Variants in PLB1 observed in about 807,000 individuals in gnomAD.
The protein encoded by PLB1 is phospholipase B1, membrane-associated.
A neutral mutation model predicts 227.4 loss-of-function variants in PLB1; 242 were observed. The ratio of observed to expected loss-of-function variants is 1.06; its 90% CI spans 0.96 to 1.18. The LOEUF (loss-of-function observed/expected upper bound fraction) is 1.18, where lower values mean the gene tolerates loss of function less well. Among genes scored for constraint, PLB1 ranks in the 50% most tolerant of loss-of-function variants. The probability of loss-of-function intolerance (pLI) is 0.00; values close to 1 mark genes in which losing one functional copy is unlikely to be tolerated. For missense variants in PLB1, 1,858 were observed against 1,816.3 expected, an observed-to-expected ratio of 1.02 and a Z score of -0.42; for synonymous variants, 757 against 682.2, an observed-to-expected ratio of 1.11 and a Z score of -1.71.
Position 28,496,080 on chromosome 2 carries a change from C to G in PLB1, c.-35C>G. 6.2e-7 allele frequency: 1 copy of G among 1,607,942 alleles called. No homozygotes were observed. The highest frequency in any genetic ancestry group is 8.5e-7 in the Non-Finnish European group (1 of 1,174,620). The stretch of plus-strand genomic sequence containing the variant: ...AGCCCATCCATCTGCTGGAGCAGCT[C>G]TTCCAGAGGCCCGAGTCACCTGGAG... On this transcript the variant is annotated 5_prime_UTR_variant, in exon 1 of 58. Transcript: ENST00000327757.
At chr2:28,510,751 T>C (rs368988669) in intron 1 of PLB1, among the ~76,000 whole-genome samples, 88 of 143,074 alleles carry the variant, frequency 6.2e-4, no homozygotes, top group African/African-American at 2.3e-3. Context: ...GCTGGGACTA[T>C]AGGCATGCAC....
intron 33 of PLB1, among the ~76,000 whole-genome samples, chr2:28,597,236 C>G (rs534287200): frequency 6.8e-6 from 1 of 146,070 alleles, no homozygotes; most frequent in Non-Finnish European, 1.5e-5. Context: ...TGCACTCCAG[C>G]CTGGGCGACA....
At chr2:28,601,152 G>A (rs1347203312) in intron 36 of PLB1, 100 bp from the exon 37 acceptor site, 3 of 1,001,644 alleles carry the variant, frequency 3.0e-6, no homozygotes, top group African/African-American at 3.2e-5. Context: ...ATTATTTCAA[G>A]TGGGCAAGGA....
intron 43 of PLB1, among the ~76,000 whole-genome samples, chr2:28,609,571 T>C (rs1040323001): frequency 1.3e-5 from 2 of 152,154 alleles, no homozygotes; most frequent in African/African-American, 4.8e-5. Flanking sequence ...GAATTACATA[T>C]AAGTGACATT....
At chr2:28,504,728 C>T (rs190051682) in intron 1 of PLB1, among the ~76,000 whole-genome samples, 111 of 152,038 alleles carry the variant, frequency 7.3e-4, no homozygotes, top group Non-Finnish European at 1.3e-3. Flanking sequence ...GGCAACAGAG[C>T]GAGACTCAGT....
intron 8 of PLB1, 76 bp from the exon 9 acceptor site, chr2:28,532,032 A>C: frequency 8.8e-7 from 1 of 1,139,788 alleles, no homozygotes; most frequent in Non-Finnish European, 1.3e-6. Flanking sequence ...AAATGGAAAG[A>C]CATGAAAACA....
chr2:28,563,130 G>A (rs1342561615), intron 18 of PLB1, 31 bp downstream of exon 18: 1 of 1,592,848 alleles, frequency 6.3e-7, no homozygotes, highest in South Asian at 1.1e-5. Flanking sequence ...AGGGGCAGGA[G>A]GGGAAAAGAT....
chr2:28,568,699 A>G (rs922343942), intron 20 of PLB1, among the ~76,000 whole-genome samples: 2 of 152,214 alleles, frequency 1.3e-5, no homozygotes, highest in African/African-American at 2.4e-5. Context: ...ACACATGACT[A>G]ATATTTATAG....
At chr2:28,611,532 T>C (rs1283661044) in intron 43 of PLB1, among the ~76,000 whole-genome samples, 4 of 152,212 alleles carry the variant, frequency 2.6e-5, no homozygotes, top group Admixed American at 2.0e-4. Flanking sequence ...CATTCTCTGA[T>C]GCTTCACTGC....
chr2:28,637,666 G>A (rs1006940366), intron 56 of PLB1, among the ~76,000 whole-genome samples: 3 of 152,122 alleles, frequency 2.0e-5, no homozygotes, highest in African/African-American at 7.2e-5. Context: ...CGTCTGCCTC[G>A]CATGTTACAG....
intron 21 of PLB1, among the ~76,000 whole-genome samples, chr2:28,573,921 G>C (rs1226900672): frequency 6.6e-6 from 1 of 152,224 alleles, no homozygotes; most frequent in Non-Finnish European, 1.5e-5. Context: ...GGTGGTCCTG[G>C]CAGTAATGCA....
chr2:28,549,898 C>T (rs1007229545), intron 15 of PLB1, 112 bp from the exon 16 acceptor site: 15 of 789,592 alleles, frequency 1.9e-5, no homozygotes, highest in African/African-American at 1.2e-4. Flanking sequence ...TCACTGGAAG[C>T]GTGATGTGAA....
At chr2:28,572,018 ATATC>A (rs1678098713) in intron 20 of PLB1, among the ~76,000 whole-genome samples, 1 of 152,242 alleles carries the variant, frequency 6.6e-6, no homozygotes, top group Non-Finnish European at 1.5e-5. Context: ...TGCCAATCCT[ATATC>A]TAATAAGAAA....
At chr2:28,565,777 T>C (rs1676783675) in intron 19 of PLB1, among the ~76,000 whole-genome samples, 1 of 152,206 alleles carries the variant, frequency 6.6e-6, no homozygotes, top group Non-Finnish European at 1.5e-5. Context: ...TCCTCATCTC[T>C]GATGCAGAAA....
intron 43 of PLB1, among the ~76,000 whole-genome samples, chr2:28,611,236 C>G (rs6714669): frequency 6.6e-6 from 1 of 152,130 alleles, no homozygotes; most frequent in Non-Finnish European, 1.5e-5. Context: ...CTCTAGCCCT[C>G]TAGCTCTGCC....
At chr2:28,634,328 C>T (rs79273304) in intron 56 of PLB1, among the ~76,000 whole-genome samples, 1,834 of 152,230 alleles carry the variant, frequency 0.012, 36 homozygotes, top group African/African-American at 0.042. Flanking sequence ...GTTTTGAAGG[C>T]GGTTGTCCTT....
intron 44 of PLB1, among the ~76,000 whole-genome samples, chr2:28,616,616 C>T (rs554758145): frequency 1.5e-4 from 23 of 152,300 alleles, no homozygotes; most frequent in African/African-American, 5.3e-4. Flanking sequence ...TCTGGTTCAC[C>T]AACTATCTGA....
intron 14 of PLB1, among the ~76,000 whole-genome samples, chr2:28,546,388 A>T (rs1479499011): frequency 6.6e-6 from 1 of 152,158 alleles, no homozygotes; most frequent in Non-Finnish European, 1.5e-5. Flanking sequence ...GGGATTGCTC[A>T]CAGTCCAGGG....
chr2:28,628,688 G>T, intron 52 of PLB1, 60 bp downstream of exon 52: 1 of 1,529,818 alleles, frequency 6.5e-7, no homozygotes, highest in Non-Finnish European at 9.1e-7. Flanking sequence ...ATGCATGTAG[G>T]CAGGCTGTGT....
Sources: gnomAD v4.1 joint callset for allele counts (sites outside exome capture counted in the v4.1 genomes callset) on GRCh38, gnomAD v4.1.1 for gene constraint, MANE v1.5 for transcripts, NCBI Gene and HGNC (gene_info 2026-07-23, HGNC 2026-07-21) for gene names.